The following IL1R1 variants were observed in gnomAD, a reference collection of about 807,000 sequenced individuals.
IL1R1 encodes the protein interleukin-1 receptor type 1.
A neutral mutation model predicts 50.2 loss-of-function variants in IL1R1; 22 were observed. The ratio of observed to expected loss-of-function variants is 0.44; its 90% confidence interval spans 0.31 to 0.63. The LOEUF (loss-of-function observed/expected upper bound fraction) is 0.63. IL1R1 is among the 20% of genes least tolerant of loss of function. IL1R1 has a pLI of 0.07. For synonymous variants in IL1R1, 251 were observed against 236.7 expected (o/e 1.06, Z -0.55); for missense variants, 509 against 676.2 (o/e 0.75, Z 2.74).
intron 1 of IL1R1, among the ~76,000 whole-genome samples, chr2:102,127,220 A>G (rs1301297046): frequency 5.3e-5 from 8 of 152,252 alleles, no homozygotes; most frequent in Admixed American, 3.3e-4. Flanking sequence ...AGAAGGATCC[A>G]GGACAGGTTG....
chr2:102,088,281 T>A (rs1343621780), intron 1 of IL1R1, among the ~76,000 whole-genome samples: 3 of 152,232 alleles, frequency 2.0e-5, no homozygotes, highest in African/African-American at 7.2e-5. Flanking sequence ...TAATAAGAAT[T>A]GAAAGTCAAA....
Position 102,174,667 on chromosome 2 carries a change from A to G in IL1R1, c.1072A>G (p.Ile358Val). ...TGTGTGTTCTGTTTTCATCTATAAA[A>G]TCTTCAAGATTGACATTGTGCTTTG... ...IIVCSVFIYK[I>V]FKIDIVLWYR... The change falls in exon 10 of 12, where the codon ATC (isoleucine) becomes GTC (valine). Residue 358 changes from isoleucine (I) to valine (V), a missense_variant. Transcript: ENST00000410023. 1.2e-6 allele frequency: 2 copies of G among 1,612,712 alleles called. No individual in the cohort carries two copies.
At chr2:102,094,090 AC>A (rs1559458140) in intron 1 of IL1R1, among the ~76,000 whole-genome samples, 3 of 152,246 alleles carry the variant, frequency 2.0e-5, no homozygotes, top group Admixed American at 2.0e-4. Flanking sequence ...ACTACAAAAT[AC>A]TACCATTCAA....
chr2:102,110,320 G>A (rs931367380), intron 1 of IL1R1, among the ~76,000 whole-genome samples: 3 of 152,256 alleles, frequency 2.0e-5, no homozygotes, highest in South Asian at 2.1e-4. Context: ...GCCTGCCCTC[G>A]TAATTTTGCA....
intron 1 of IL1R1, among the ~76,000 whole-genome samples, chr2:102,153,400 G>C (rs917874907): frequency 2.0e-5 from 3 of 152,116 alleles, no homozygotes; most frequent in Non-Finnish European, 1.5e-5. Flanking sequence ...CCTGTGATTT[G>C]ATTTCCTGAA....
chr2:102,155,218 G>C (rs1684066298), intron 2 of IL1R1, among the ~76,000 whole-genome samples: 1 of 152,230 alleles, frequency 6.6e-6, no homozygotes, highest in Admixed American at 6.5e-5. Flanking sequence ...ATTTAGGAGT[G>C]ACCATTTGCC....
At chr2:102,087,253 TG>T (rs1679468925) in intron 1 of IL1R1, among the ~76,000 whole-genome samples, 1 of 152,244 alleles carries the variant, frequency 6.6e-6, no homozygotes, top group African/African-American at 2.4e-5. Flanking sequence ...GGCTGCTGAC[TG>T]ACCAGAGTGG....
At chr2:102,078,104 G>A (rs531482287) in intron 1 of IL1R1, among the ~76,000 whole-genome samples, 2 of 151,770 alleles carry the variant, frequency 1.3e-5, no homozygotes, top group Non-Finnish European at 2.9e-5. Flanking sequence ...AAATAAATGA[G>A]TATATTACAA....
intron 1 of IL1R1, among the ~76,000 whole-genome samples, chr2:102,087,491 A>G (rs1351313959): frequency 2.6e-5 from 4 of 152,146 alleles, no homozygotes; most frequent in African/African-American, 9.7e-5. Context: ...AATCCTTTTG[A>G]TATGGTTTGG....
At chr2:102,124,609 A>C (rs1338180918) in intron 1 of IL1R1, among the ~76,000 whole-genome samples, 1 of 151,982 alleles carries the variant, frequency 6.6e-6, no homozygotes, top group Non-Finnish European at 1.5e-5. Context: ...CACAGGAAAA[A>C]CTGCCACTTT....
intron 1 of IL1R1, among the ~76,000 whole-genome samples, chr2:102,110,436 C>T (rs1031297268): frequency 1.4e-5 from 2 of 142,152 alleles, no homozygotes; most frequent in East Asian, 2.3e-4. Context: ...CCCACCCCCC[C>T]ACCCCACCAG....
At chr2:102,106,048 G>A (rs1277963021) in intron 1 of IL1R1, among the ~76,000 whole-genome samples, 1 of 152,196 alleles carries the variant, frequency 6.6e-6, no homozygotes, top group Non-Finnish European at 1.5e-5. Flanking sequence ...ACCTAATGAA[G>A]CTTATCATTC....
At chr2:102,097,489 T>C (rs896147070) in intron 1 of IL1R1, among the ~76,000 whole-genome samples, 2 of 152,202 alleles carry the variant, frequency 1.3e-5, no homozygotes. Context: ...GATATCTGCT[T>C]GTACAAGTCC....
rs1239983040 is a variant in IL1R1 at position 102,142,967 on chromosome 2, G to A, written c.-137G>A. 6.6e-6 allele frequency: 1 copy of A among 152,286 alleles called. No individual in the cohort carries two copies. The highest frequency in any genetic ancestry group is 1.5e-5 in the Non-Finnish European group (1 of 68,154). 9.4% of individuals were successfully genotyped at this position (152,286 alleles called of 1,614,324 possible). On this transcript the variant is annotated 5_prime_UTR_variant, in exon 1 of 12. Transcript: ENST00000410023. ...TAGGGCTCTCGCCCCTCTGAGCTGAGCCGGGTTCCGCCCGGGGCTGGGATC... is the reference window on the plus strand; with the variant it reads ...TAGGGCTCTCGCCCCTCTGAGCTGAACCGGGTTCCGCCCGGGGCTGGGATC...
At chr2:102,118,799 T>A (rs750447354) in intron 1 of IL1R1, among the ~76,000 whole-genome samples, 1 of 151,950 alleles carries the variant, frequency 6.6e-6, no homozygotes, top group Non-Finnish European at 1.5e-5. Flanking sequence ...GGGAGGATCA[T>A]GAGGTCAGGA....
chr2:102,159,615 C>CT (rs1169446404), intron 3 of IL1R1, among the ~76,000 whole-genome samples: 2 of 152,182 alleles, frequency 1.3e-5, no homozygotes, highest in African/African-American at 4.8e-5. Context: ...ACAATTAACA[C>CT]TGAGTTTTTC....
intron 1 of IL1R1, among the ~76,000 whole-genome samples, chr2:102,151,006 T>A (rs1271060213): frequency 1.3e-5 from 2 of 152,254 alleles, no homozygotes; most frequent in Non-Finnish European, 2.9e-5. Context: ...CTGTGACTTT[T>A]TAATGTTACT....
At chr2:102,114,543 A>T (rs1242625024) in intron 1 of IL1R1, among the ~76,000 whole-genome samples, 1 of 152,192 alleles carries the variant, frequency 6.6e-6, no homozygotes, top group Non-Finnish European at 1.5e-5. Flanking sequence ...ATTTCTCGAG[A>T]TTAACGTAGT....
chr2:102,133,449 A>G (rs2104420999), intron 1 of IL1R1, among the ~76,000 whole-genome samples: 1 of 152,310 alleles, frequency 6.6e-6, no homozygotes, highest in South Asian at 2.1e-4. Context: ...AAAACCAAAC[A>G]GGACATTACA....
Sources: allele counts gnomAD v4.1 joint callset (sites outside exome capture counted in the v4.1 genomes callset), GRCh38; gene constraint gnomAD v4.1.1; transcripts MANE v1.5; gene names NCBI Gene and HGNC (gene_info 2026-07-23, HGNC 2026-07-21).